HAPLN1: variants seen among roughly 807,000 people sequenced by gnomAD.
The protein encoded by HAPLN1 is hyaluronan and proteoglycan link protein 1.
A neutral mutation model predicts 36.5 loss-of-function variants in HAPLN1; 13 were observed. The ratio of observed to expected loss-of-function variants is 0.36; its 90% CI spans 0.23 to 0.57. The LOEUF is 0.57. Among genes scored for constraint, HAPLN1 ranks in the 20% least tolerant of loss-of-function variants. The pLI is 0.83. For missense variants in HAPLN1, 407 were observed against 439.7 expected, an observed-to-expected ratio of 0.93 and a Z score of 0.66; for synonymous variants, 202 against 169.8, an observed-to-expected ratio of 1.19 and a Z score of -1.48.
At chr5:83,709,146 T>C (rs1466370248) in intron 1 of HAPLN1, among the ~76,000 whole-genome samples, 1 of 152,188 alleles carries the variant, frequency 6.6e-6, no homozygotes, top group African/African-American at 2.4e-5. Context: ...TGAGCCACCG[T>C]GCTCAGCCCA....
Position 83,641,643 on chromosome 5 carries a change from C to T in HAPLN1, c.918G>A (p.Ala306=), listed in dbSNP as rs1215121132. 13 of 1,614,158 alleles carry T rather than the reference C, an allele frequency of 8.1e-6. No individual in the cohort carries two copies. Among genetic ancestry groups the T allele is most frequent in the Non-Finnish European group, 1.1e-5 (13 of 1,180,038 alleles). Residue 306 remains alanine (A), a synonymous_variant, in exon 5 of 5, where the codon GCG becomes GCA. Transcript: ENST00000274341. ...WKILGYDRCD[A]GWLADGSVRY... The stretch of plus-strand genomic sequence containing the variant: ...GGACGCTGCCATCCGCCAACCAGCC[C>T]GCATCACAGCGGTCATATCCGAGAA...
intron 1 of HAPLN1, among the ~76,000 whole-genome samples, chr5:83,708,864 GTCTTT>G (rs918646960): frequency 9.2e-5 from 14 of 152,124 alleles, no homozygotes; most frequent in East Asian, 3.9e-4. Context: ...TTTATCTTTT[GTCTTT>G]TCTTTTCTTT....
intron 1 of HAPLN1, among the ~76,000 whole-genome samples, chr5:83,708,218 C>T (rs1266371026): frequency 1.3e-5 from 2 of 152,208 alleles, no homozygotes; most frequent in East Asian, 3.9e-4. Flanking sequence ...TGGGGATATA[C>T]TCAGAGGAAT....
At chr5:83,682,551 C>T (rs998140155) in intron 1 of HAPLN1, 5 of 152,150 alleles carry the variant, frequency 3.3e-5, no homozygotes, top group Admixed American at 2.6e-4. Flanking sequence ...TCCTCATCTC[C>T]GTTGGCTGAG....
chr5:83,712,934 T>C (rs1043404763), intron 1 of HAPLN1, among the ~76,000 whole-genome samples: 1 of 149,374 alleles, frequency 6.7e-6, no homozygotes, highest in South Asian at 2.1e-4. Flanking sequence ...TCCAGGATTA[T>C]GGACTACAAA....
chr5:83,691,185 CA>C (rs1751261938), intron 1 of HAPLN1, among the ~76,000 whole-genome samples: 1 of 152,004 alleles, frequency 6.6e-6, no homozygotes, highest in Non-Finnish European at 1.5e-5. Context: ...AGAGCCTGTT[CA>C]AAAACTTGAG....
intron 1 of HAPLN1, among the ~76,000 whole-genome samples, chr5:83,680,074 C>T (rs1234055701): frequency 6.6e-6 from 1 of 152,148 alleles, no homozygotes; most frequent in Non-Finnish European, 1.5e-5. Context: ...TGCTAGCTCT[C>T]TCTCTCAGAC....
At chr5:83,663,921 C>T (rs977513641) in intron 2 of HAPLN1, among the ~76,000 whole-genome samples, 1 of 151,536 alleles carries the variant, frequency 6.6e-6, no homozygotes, top group Non-Finnish European at 1.5e-5. Context: ...GGTAGCCTCA[C>T]CTTTACTCTT....
chr5:83,672,986 TA>T (rs1228268644), intron 2 of HAPLN1, among the ~76,000 whole-genome samples: 1 of 152,248 alleles, frequency 6.6e-6, no homozygotes, highest in Non-Finnish European at 1.5e-5. Flanking sequence ...TAGGGTAAAC[TA>T]CTTTTTCCTG....
rs1049560125 is a variant in HAPLN1, at chr5:83,638,046, T to C, written c.*3450A>G. On this transcript the variant is annotated 3_prime_UTR_variant, in exon 5 of 5. Transcript: ENST00000274341. ...TTTTTTTTTGACTTTGCAAGAGTAC[T>C]AGGAAATGAAAATTGTACGTATTTA... The C allele has an allele frequency of 2.6e-5, 4 of 151,098 alleles. No individual in the cohort carries two copies. In the East Asian group the frequency reaches 7.8e-4, roughly 29 times the overall value. 9.4% of individuals were successfully genotyped at this position (151,098 alleles called of 1,614,324 possible).
intron 1 of HAPLN1, among the ~76,000 whole-genome samples, chr5:83,677,438 A>G (rs1035338826): frequency 6.6e-6 from 1 of 152,164 alleles, no homozygotes; most frequent in African/African-American, 2.4e-5. Context: ...GTCATATTGC[A>G]TAGTTCTGTG....
At chr5:83,702,758 G>C (rs1174979534) in intron 1 of HAPLN1, among the ~76,000 whole-genome samples, 1 of 141,158 alleles carries the variant, frequency 7.1e-6, no homozygotes, top group East Asian at 2.0e-4. Flanking sequence ...TTTTTTTTTT[G>C]AGACAGTCTC....
chr5:83,676,813 C>A (rs1750871300), intron 1 of HAPLN1, among the ~76,000 whole-genome samples: 1 of 152,188 alleles, frequency 6.6e-6, no homozygotes, highest in Non-Finnish European at 1.5e-5. Context: ...CATTGAAGGT[C>A]TCTTTTCACA....
Position 83,692,522 on chromosome 5 carries a change from A to G in HAPLN1, c.-26-18973T>C, listed in dbSNP as rs532107215. 1.2e-3 allele frequency among the ~76,000 whole-genome samples: 180 copies of G among 152,052 alleles called. 1 individual carries two copies. The highest frequency in any genetic ancestry group is 2.1e-3 in the Non-Finnish European group (141 of 67,820). ...GAAAACTGTCCACCTAGAATTCTTT[A>G]CTCTGCAAAAATATGTCTCATAGAC... On this transcript the variant is annotated intron_variant, in intron 1 of 4. Coordinates refer to ENST00000274341, the MANE Select transcript of HAPLN1 (RefSeq NM_001884.4).
intron 2 of HAPLN1, among the ~76,000 whole-genome samples, chr5:83,667,080 G>A (rs1750570639): frequency 6.6e-6 from 1 of 152,174 alleles, no homozygotes; most frequent in African/African-American, 2.4e-5. Flanking sequence ...GAGACTGTAT[G>A]TTTTGTCATC....
intron 2 of HAPLN1, among the ~76,000 whole-genome samples, chr5:83,669,383 C>T (rs2112592515): frequency 6.6e-6 from 1 of 152,182 alleles, no homozygotes; most frequent in East Asian, 1.9e-4. Context: ...CCTGTAATCC[C>T]AGCTACTTAG....
At chr5:83,703,106 T>A (rs1751548567) in intron 1 of HAPLN1, among the ~76,000 whole-genome samples, 1 of 152,198 alleles carries the variant, frequency 6.6e-6, no homozygotes, top group African/African-American at 2.4e-5. Flanking sequence ...AATCTGTGAC[T>A]TGTTGGACAG....
chr5:83,702,384 T>A (rs1751527629), intron 1 of HAPLN1, among the ~76,000 whole-genome samples: 1 of 152,216 alleles, frequency 6.6e-6, no homozygotes, highest in Admixed American at 6.5e-5. Flanking sequence ...TAAAGATGGA[T>A]ATGAACATCT....
intron 2 of HAPLN1, among the ~76,000 whole-genome samples, chr5:83,665,021 T>A (rs2112586104): frequency 6.6e-6 from 1 of 152,326 alleles, no homozygotes; most frequent in East Asian, 1.9e-4. Flanking sequence ...ATGAAAATAA[T>A]CATATGCAGA....
Sources: allele counts gnomAD v4.1 joint callset (sites outside exome capture counted in the v4.1 genomes callset), GRCh38; gene constraint gnomAD v4.1.1; transcripts MANE v1.5; gene names NCBI Gene and HGNC (gene_info 2026-07-23, HGNC 2026-07-21).